PCGF3: variants seen among roughly 807,000 people sequenced by gnomAD.
PCGF3 encodes polycomb group ring finger 3.
In PCGF3, 7 loss-of-function variants were observed where a neutral mutation model predicts 33.1. The observed-to-expected ratio is 0.21, with a 90% confidence interval of 0.12 to 0.40. The LOEUF is 0.40. Among genes scored for constraint, PCGF3 ranks in the 10% least tolerant of loss-of-function variants. The pLI is 1.00. For synonymous variants in PCGF3, 153 were observed against 121.3 expected (o/e 1.26, Z -1.72); for missense variants, 211 against 313.3 (o/e 0.67, Z 2.46).
chr4:732,362 C>G (rs922946386), intron 3 of PCGF3: 1 of 157,152 alleles, frequency 6.4e-6, no homozygotes, highest in Non-Finnish European at 1.4e-5. Flanking sequence ...TTCCCCTCCC[C>G]TCCCTTCTCC....
chr4:761,429 C>T lies in PCGF3; in HGVS notation c.600+13C>T, dbSNP rs768930961. 2.5e-6 allele frequency: 4 copies of T among 1,584,150 alleles called. No homozygotes were observed. Among genetic ancestry groups the T allele is most frequent in the African/African-American group, 1.4e-5 (1 of 73,958 alleles). The stretch of plus-strand genomic sequence containing the variant: ...ATCCTTTAACGAGGTAACAGTTGAT[C>T]CCTAAGTAGAAACCATAACAAGTCC... On this transcript the variant is annotated intron_variant, in intron 9 of 10. Coordinates refer to ENST00000362003, the Ensembl canonical transcript of PCGF3.
intron 10 of PCGF3, among the ~76,000 whole-genome samples, chr4:765,432 CAAAAAA>C (rs33972537): frequency 1.4e-5 from 2 of 139,426 alleles, no homozygotes; most frequent in African/African-American, 5.2e-5. Flanking sequence ...GACTCTGTCT[CAAAAAA>C]AAAAAAAAAG....
chr4:724,721 C>A (rs1428313134), intron 1 of PCGF3, among the ~76,000 whole-genome samples: 1 of 152,016 alleles, frequency 6.6e-6, no homozygotes, highest in Non-Finnish European at 1.5e-5. Flanking sequence ...TGGTGTGAAC[C>A]CGGGAGGCGG....
At chr4:707,999 G>A (rs55822658) in intron 1 of PCGF3, among the ~76,000 whole-genome samples, 5,466 of 93,328 alleles carry the variant, frequency 0.059, 394 homozygotes, top group South Asian at 0.11. Context: ...CGGGACCCTG[G>A]GACAGCCCTG....
At chr4:730,046 C>T (rs938187140) in intron 1 of PCGF3, among the ~76,000 whole-genome samples, 1 of 152,026 alleles carries the variant, frequency 6.6e-6, no homozygotes, top group African/African-American at 2.4e-5. Flanking sequence ...CCCTGCCCCT[C>T]CCTCCCTGTC....
chr4:749,476 C>CTTTTTTTTTTTTTTTTTTTTTTTTTTTTT lies in PCGF3; in HGVS notation c.462+4812_462+4813insTTTTTTTTTTTTTTTTTTTTTTTTTTTTT, dbSNP rs71640348. Among the ~76,000 whole-genome samples the CTTTTTTTTTTTTTTTTTTTTTTTTTTTTT allele has an allele frequency of 2.6e-5, 2 of 75,496 alleles. 1 individual carries two copies. Among genetic ancestry groups the CTTTTTTTTTTTTTTTTTTTTTTTTTTTTT allele is most frequent in the Non-Finnish European group, 4.6e-5 (2 of 43,394 alleles). The allele number at this position is 75,496 out of a possible 152,430, so 49.5% of individuals were successfully genotyped here. ...ACCATGCCCTGCTGAATTTTCTTTC[C>CTTTTTTTTTTTTTTTTTTTTTTTTTTTTT]TTTTTTTTTTTTTTTTTTTTTTTTG... is the stretch of plus-strand genomic sequence containing the variant. On this transcript the variant is annotated intron_variant, in intron 8 of 10. Coordinates refer to ENST00000362003, the Ensembl canonical transcript of PCGF3.
In PCGF3 at chr4:747,549, C is replaced by CG. The variant is rs775202709; in HGVS notation, c.462+2865dup. On this transcript the variant is annotated intron_variant, in intron 8 of 10. Transcript: ENST00000362003. ...GAGGCGTGAGCAGGTGGGCGGGGCC[C>CG]GGGGTCGCTGCAGTGTTAGTGTTCG... is the stretch of plus-strand genomic sequence containing the variant. Among the ~76,000 whole-genome samples the CG allele has an allele frequency of 3.0e-3, 42 of 14,064 alleles. 8 individuals carry two copies. The highest frequency in any genetic ancestry group is 4.6e-3 in the Non-Finnish European group (31 of 6,776). The allele number at this position is 14,064 out of a possible 152,430, so 9.2% of individuals were successfully genotyped here. A position where few individuals can be genotyped will look rare whatever the true frequency, so the allele number is the denominator to read the frequency against.
intron 5 of PCGF3, among the ~76,000 whole-genome samples, chr4:736,927 C>T (rs79006058): frequency 3.8e-5 from 1 of 25,998 alleles, no homozygotes. Flanking sequence ...GCACGGGACG[C>T]GGGGAACCTG....
chr4:727,999 G>A (rs2109580679), intron 1 of PCGF3, among the ~76,000 whole-genome samples: 1 of 152,346 alleles, frequency 6.6e-6, no homozygotes, highest in East Asian at 1.9e-4. Flanking sequence ...CTGGCTCCCT[G>A]TAGGTTCTGG....
At chr4:752,342 G>A (rs886390397) in intron 8 of PCGF3, among the ~76,000 whole-genome samples, 1 of 152,242 alleles carries the variant, frequency 6.6e-6, no homozygotes, top group Non-Finnish European at 1.5e-5. Context: ...TGACTCATTT[G>A]CTTCACAGCT....
chr4:722,923 C>T (rs1206936231), intron 1 of PCGF3, among the ~76,000 whole-genome samples: 3 of 132,388 alleles, frequency 2.3e-5, no homozygotes, highest in Admixed American at 7.4e-5. Context: ...GCGTCATCGC[C>T]ATCCACGCCG....
At chr4:747,787 G>C (rs1359629404) in intron 8 of PCGF3, among the ~76,000 whole-genome samples, 1 of 152,186 alleles carries the variant, frequency 6.6e-6, no homozygotes, top group Non-Finnish European at 1.5e-5. Flanking sequence ...CCGAGGGAGG[G>C]CTCACACCAG....
At chr4:765,432 C>CA (rs33972537) in intron 10 of PCGF3, among the ~76,000 whole-genome samples, 1,435 of 139,392 alleles carry the variant, frequency 0.01, 6 homozygotes, top group South Asian at 0.031. Context: ...GACTCTGTCT[C>CA]AAAAAAAAAA....
intron 1 of PCGF3, among the ~76,000 whole-genome samples, chr4:706,818 C>T (rs1422233217): frequency 3.7e-5 from 5 of 133,400 alleles, no homozygotes; most frequent in Non-Finnish European, 1.6e-5. Context: ...CAGGCAGGAC[C>T]GCGGGAGGGC....
chr4:718,394 C>A (rs1331969631), intron 1 of PCGF3, among the ~76,000 whole-genome samples: 1 of 152,146 alleles, frequency 6.6e-6, no homozygotes, highest in Non-Finnish European at 1.5e-5. Context: ...CTGAGCTACA[C>A]TCTGAGGCTG....
intron 8 of PCGF3, among the ~76,000 whole-genome samples, chr4:751,793 A>G (rs1744525422): frequency 6.6e-6 from 1 of 152,200 alleles, no homozygotes; most frequent in South Asian, 2.1e-4. Context: ...AGGTTTGTTC[A>G]GCAGCCAACT....
At chr4:741,943 C>T (rs1442655002) in intron 6 of PCGF3, among the ~76,000 whole-genome samples, 2 of 152,164 alleles carry the variant, frequency 1.3e-5, no homozygotes, top group African/African-American at 4.8e-5. Context: ...CTGCTGTCAG[C>T]CCCTGTCTTG....
chr4:740,637 C>G (rs1744046801), intron 6 of PCGF3, among the ~76,000 whole-genome samples: 1 of 152,082 alleles, frequency 6.6e-6, no homozygotes, highest in Admixed American at 6.5e-5. Flanking sequence ...TGCCTGTAAC[C>G]CTAGCACTGT....
At chr4:739,982 T>G (rs1744016402) in intron 6 of PCGF3, among the ~76,000 whole-genome samples, 2 of 152,272 alleles carry the variant, frequency 1.3e-5, no homozygotes. Flanking sequence ...TTTCTCAAGC[T>G]TTCAGTCATT....
Sources: allele counts gnomAD v4.1 joint callset (sites outside exome capture counted in the v4.1 genomes callset), GRCh38; gene constraint gnomAD v4.1.1; transcripts MANE v1.5; gene names NCBI Gene and HGNC (gene_info 2026-07-23, HGNC 2026-07-21).